Variants in NUP88 observed in about 807,000 individuals in gnomAD.
NUP88 encodes the protein nuclear pore complex protein Nup88.
Under a neutral mutation model 93.9 loss-of-function variants are expected in NUP88, and 57 were observed. That is an observed-to-expected ratio of 0.61 (90% CI 0.49 to 0.76). NUP88 has a LOEUF of 0.76. Ranked by LOEUF, NUP88 falls within the 30% of genes least tolerant of loss-of-function variation. The pLI, the probability that NUP88 is intolerant of heterozygous loss-of-function variation, is 0.00. For missense variants in NUP88, 911 were observed against 901.0 expected (o/e 1.01, Z -0.14); for synonymous variants, 346 against 336.8 (o/e 1.03, Z -0.30).
intron 2 of NUP88, among the ~76,000 whole-genome samples, chr17:5,415,023 T>C (rs895020826): frequency 2.0e-5 from 3 of 151,358 alleles, no homozygotes; most frequent in Non-Finnish European, 4.4e-5. Flanking sequence ...TTAAATTTTA[T>C]TTGTTTATTT....
At chr17:5,406,728 A>G (rs1431537125) in intron 5 of NUP88, among the ~76,000 whole-genome samples, 2 of 151,940 alleles carry the variant, frequency 1.3e-5, no homozygotes, top group Non-Finnish European at 2.9e-5. Flanking sequence ...GTTTTGGGCC[A>G]CACAGAAAAT....
Position 5,414,019 on chromosome 17 carries a change from T to A in NUP88, c.583A>T (p.Asn195Tyr). ...AGAAATAAAATTTACCTGATTACGT[T>A]GTCTGATGTTAACAGCACTACGTGG... The part of the protein sequence containing the change: ...DPHVVLLTSD[N>Y]VIRIYSLREP... The change falls in exon 3 of 17, where the codon AAC (asparagine) becomes TAC (tyrosine). Residue 195 changes from asparagine to tyrosine, a missense_variant. Transcript: ENST00000573584. 1 of 1,613,730 alleles carries A rather than the reference T, an allele frequency of 6.2e-7. No individual in the cohort carries two copies. The highest frequency in any genetic ancestry group is 8.5e-7 in the Non-Finnish European group (1 of 1,179,728).
rs140941108 is a variant in NUP88 at position 5,385,287 on chromosome 17, GC to G, written c.*918del. The G allele has an allele frequency of 5.7e-3, 1,305 of 230,842 alleles. 6 individuals carry two copies. The highest frequency in any genetic ancestry group is 7.9e-3 in the Non-Finnish European group (922 of 116,616). 14.3% of individuals were successfully genotyped at this position (230,842 alleles called of 1,614,324 possible). ...GCATAAATGGGAACTGATGTAGAAG[GC>G]AGGATTTAGCCCTTCTAGGCAAAAG... On this transcript the variant is annotated 3_prime_UTR_variant, in exon 17 of 17. Transcript: ENST00000573584.
rs954020636 is a variant in NUP88, at chr17:5,386,148, A to G, written c.*58T>C. ...ATTAGATAATTCTACCTGTTTTACA[A>G]TATGGGTTTAAGCCTTCAATGGTGT... On this transcript the variant is annotated 3_prime_UTR_variant, in exon 17 of 17. Transcript: ENST00000573584. The G allele has an allele frequency of 1.1e-5, 14 of 1,284,986 alleles. No homozygotes were observed. Among genetic ancestry groups the G allele is most frequent in the South Asian group, 2.7e-5 (2 of 75,110 alleles). The allele number at this position is 1,284,986 out of a possible 1,614,324, so 79.6% of individuals were successfully genotyped here. A position where few individuals can be genotyped will look rare whatever the true frequency, so the allele number is the denominator to read the frequency against.
At chr17:5,390,876 G>A (rs1213084237) in intron 10 of NUP88, among the ~76,000 whole-genome samples, 2 of 151,842 alleles carry the variant, frequency 1.3e-5, no homozygotes, top group Non-Finnish European at 2.9e-5. Flanking sequence ...TTTGTTTTTT[G>A]TAGAGATGGG....
At chr17:5,401,076 TTATTAA>T (rs1287297490) in intron 7 of NUP88, among the ~76,000 whole-genome samples, 3 of 152,014 alleles carry the variant, frequency 2.0e-5, no homozygotes, top group South Asian at 4.1e-4. Flanking sequence ...AATATTTTTA[TTATTAA>T]TATTAATAAT....
rs1238601810 is a variant in NUP88 at position 5,408,756 on chromosome 17, C to T, written c.834G>A (p.Leu278=). Residue 278 remains leucine (L), a synonymous_variant, in exon 5 of 17, where the codon CTG becomes CTA. Transcript: ENST00000573584. ...YILYENGETF[L]TYISLLHSPG... ...ACCTGTGTAACAGACTGATGTATGT[C>T]AGGAAAGTCTCTCCATTTTCATATA... The T allele has an allele frequency of 6.2e-7, 1 of 1,608,634 alleles. No homozygotes were observed. The highest frequency in any genetic ancestry group is 1.1e-5 in the South Asian group (1 of 89,924).
Position 5,387,374 on chromosome 17 carries a change from C to T in NUP88, c.1916+12G>A, listed in dbSNP as rs1297003704. The T allele has an allele frequency of 1.2e-6, 2 of 1,607,046 alleles. No individual in the cohort carries two copies. Among genetic ancestry groups the T allele is most frequent in the Admixed American group, 1.7e-5 (1 of 60,000 alleles). On this transcript the variant is annotated intron_variant, in intron 14 of 16. Transcript: ENST00000573584. The stretch of plus-strand genomic sequence containing the variant: ...CCTGACTAGGTAACTAAATGTTATA[C>T]AGCCCACTGACCTGTTCATGATATC...
At chr17:5,412,784 C>T (rs1160311819) in intron 3 of NUP88, among the ~76,000 whole-genome samples, 1 of 152,132 alleles carries the variant, frequency 6.6e-6, no homozygotes, top group African/African-American at 2.4e-5. Context: ...TCACAGGCTA[C>T]CAGTTCGGTA....
chr17:5,403,990 C>CT, intron 7 of NUP88, 109 bp downstream of exon 7: 1 of 1,207,276 alleles, frequency 8.3e-7, no homozygotes, highest in South Asian at 1.7e-5. Flanking sequence ...ACCCAGTCAA[C>CT]TTTTTAAAGG....
At chr17:5,397,370 G>A (rs115166516) in intron 8 of NUP88, among the ~76,000 whole-genome samples, 1,769 of 151,372 alleles carry the variant, frequency 0.012, 28 homozygotes, top group African/African-American at 0.041. Flanking sequence ...TTTAAATAGG[G>A]ACATTACCTT....
chr17:5,419,476 T>C lies in NUP88; in HGVS notation c.175A>G (p.Asn59Asp). Reference sequence around the variant, plus strand: ...TCTCCGCCGAGGCCAAAGACCACGTTTCTCGTCAGCAACTGCGGCGGCGGC... The same window carrying C: ...TCTCCGCCGAGGCCAAAGACCACGTCTCTCGTCAGCAACTGCGGCGGCGGC... ...SSPPPQLLTR[N>D]VVFGLGGELF... The change falls in exon 1 of 17, where the codon AAC becomes GAC. Residue 59 changes from asparagine to aspartate, a missense_variant. Physicochemically the swap from Asn to Asp is conservative, Grantham distance 23 (BLOSUM62 1). Transcript: ENST00000573584. 6.2e-7 allele frequency: 1 copy of C among 1,614,014 alleles called. No homozygotes were observed. Among genetic ancestry groups the C allele is most frequent in the Non-Finnish European group, 8.5e-7 (1 of 1,179,958 alleles).
At chr17:5,407,695 A>G (rs1208455184) in intron 5 of NUP88, among the ~76,000 whole-genome samples, 1 of 152,012 alleles carries the variant, frequency 6.6e-6, no homozygotes, top group African/African-American at 2.4e-5. Flanking sequence ...ACTATCTTAC[A>G]CTGATTTACT....
At chr17:5,414,474 C>T (rs1196342284) in intron 2 of NUP88, among the ~76,000 whole-genome samples, 2 of 152,098 alleles carry the variant, frequency 1.3e-5, no homozygotes, top group Admixed American at 1.3e-4. Flanking sequence ...GGATTACAGG[C>T]ATGAGCCACC....
intron 1 of NUP88, among the ~76,000 whole-genome samples, chr17:5,417,545 AAAG>A (rs1298352364): frequency 2.0e-5 from 3 of 152,230 alleles, no homozygotes; most frequent in Admixed American, 1.3e-4. Flanking sequence ...ACAGTCTAGA[AAAG>A]AAGACAGAGG....
intron 11 of NUP88, 140 bp downstream of exon 11, chr17:5,388,662 G>T: frequency 1.4e-6 from 1 of 704,496 alleles, no homozygotes; most frequent in Non-Finnish European, 2.2e-6. Flanking sequence ...CCATTCACTA[G>T]CTGATCAAAT....
At chr17:5,388,388 C>A (rs552602828) in intron 11 of NUP88, 91 of 161,396 alleles carry the variant, frequency 5.6e-4, no homozygotes, top group Non-Finnish European at 1.1e-3. Flanking sequence ...CAGGTTCAAG[C>A]GGTTCTCCTG....
rs541580084 is a variant in NUP88, at chr17:5,385,714, T to C, written c.*492A>G. On this transcript the variant is annotated 3_prime_UTR_variant, in exon 17 of 17. Coordinates refer to ENST00000573584, the MANE Select transcript of NUP88 (RefSeq NM_002532.6). ...CTTTGCAATTGTGGATCTTGAGCTC[T>C]GCTCTCAGCAGATTTCAGGTGTAAC... is the stretch of plus-strand genomic sequence containing the variant. 9.9e-4 allele frequency: 229 copies of C among 231,160 alleles called. No homozygotes were observed. Among genetic ancestry groups the C allele is most frequent in the African/African-American group, 4.5e-3 (204 of 45,334 alleles). The allele number at this position is 231,160 out of a possible 1,614,324, so 14.3% of individuals were successfully genotyped here.
chr17:5,401,269 G>T (rs1254649587), intron 7 of NUP88, among the ~76,000 whole-genome samples: 5 of 152,088 alleles, frequency 3.3e-5, no homozygotes, highest in Non-Finnish European at 5.9e-5. Context: ...TGCAATCCCA[G>T]CTACTCGGGA....
Sources: gnomAD v4.1 joint callset for allele counts (sites outside exome capture counted in the v4.1 genomes callset) on GRCh38, gnomAD v4.1.1 for gene constraint, MANE v1.5 for transcripts, NCBI Gene and HGNC (gene_info 2026-07-23, HGNC 2026-07-21) for gene names.